The following ITGA8 variants were observed in gnomAD, a reference collection of about 807,000 sequenced individuals.
ITGA8 encodes integrin alpha-8.
Under a neutral mutation model 142.3 loss-of-function variants are expected in ITGA8, and 91 were observed. That is an observed-to-expected ratio of 0.64 (90% confidence interval 0.54 to 0.76). The LOEUF (loss-of-function observed/expected upper bound fraction) is 0.76, where lower values mean the gene tolerates loss of function less well. ITGA8 is among the 30% of genes least tolerant of loss of function. The pLI, the probability that ITGA8 is intolerant of heterozygous loss-of-function variation, is 0.00. For missense variants in ITGA8, 1,406 were observed against 1,327.7 expected (o/e 1.06, Z -0.92); for synonymous variants, 505 against 485.2 (o/e 1.04, Z -0.54).
At chr10:15,624,244 G>T (rs1405865828) in intron 13 of ITGA8, among the ~76,000 whole-genome samples, 1 of 152,174 alleles carries the variant, frequency 6.6e-6, no homozygotes, top group Non-Finnish European at 1.5e-5. Flanking sequence ...TGTATGTCAG[G>T]TGCAAAATTA....
intron 20 of ITGA8, 88 bp from the exon 21 acceptor site, chr10:15,597,387 G>T: frequency 9.8e-7 from 1 of 1,020,186 alleles, no homozygotes; most frequent in Non-Finnish European, 1.6e-6. Flanking sequence ...GAGCTCCCCT[G>T]GATCTCAAAC....
chr10:15,630,628 G>A (rs1003835627), intron 13 of ITGA8, among the ~76,000 whole-genome samples: 8 of 151,956 alleles, frequency 5.3e-5, no homozygotes, highest in Admixed American at 1.3e-4. Context: ...CTGGGAAAAT[G>A]GCCAGGGCAC....
intron 25 of ITGA8, among the ~76,000 whole-genome samples, chr10:15,562,258 A>G (rs1833998127): frequency 6.6e-6 from 1 of 152,240 alleles, no homozygotes; most frequent in South Asian, 2.1e-4. Context: ...GAAGGTTTAG[A>G]CAAGGCAACG....
At chr10:15,707,547 G>T (rs1327527194) in intron 2 of ITGA8, among the ~76,000 whole-genome samples, 1 of 152,090 alleles carries the variant, frequency 6.6e-6, no homozygotes, top group South Asian at 2.1e-4. Flanking sequence ...TCAAGGCTAG[G>T]TGCAGTGGCT....
At chr10:15,592,343 C>T (rs1212785159) in intron 21 of ITGA8, 39 bp from the exon 22 acceptor site, 6 of 1,412,684 alleles carry the variant, frequency 4.2e-6, no homozygotes, top group Non-Finnish European at 5.0e-6. Context: ...GTAGCTTGTA[C>T]ACAACATAAA....
chr10:15,564,605 C>T (rs1834045473), intron 25 of ITGA8, among the ~76,000 whole-genome samples: 1 of 152,206 alleles, frequency 6.6e-6, no homozygotes, highest in Non-Finnish European at 1.5e-5. Flanking sequence ...TTTCATCATT[C>T]TTTACCAAAC....
At chr10:15,620,308 T>TTCAC (rs374749114) in intron 13 of ITGA8, among the ~76,000 whole-genome samples, 2 of 150,818 alleles carry the variant, frequency 1.3e-5, no homozygotes, top group Non-Finnish European at 3.0e-5. Context: ...GGTGTTGAGA[T>TTCAC]ACACACACAC....
intron 27 of ITGA8, among the ~76,000 whole-genome samples, chr10:15,532,085 G>A (rs6602876): frequency 0.35 from 52,998 of 151,344 alleles, 9,959 homozygotes; most frequent in African/African-American, 0.49. Flanking sequence ...TGTTTGGCCA[G>A]CATCCCTGGC....
chr10:15,594,408 T>C (rs1457361717), intron 21 of ITGA8, among the ~76,000 whole-genome samples: 1 of 152,114 alleles, frequency 6.6e-6, no homozygotes, highest in Non-Finnish European at 1.5e-5. Context: ...GAGTTTCTTA[T>C]TGAGTGAAGG....
At chr10:15,627,194 C>G (rs560363658) in intron 13 of ITGA8, among the ~76,000 whole-genome samples, 2 of 152,208 alleles carry the variant, frequency 1.3e-5, no homozygotes, top group South Asian at 4.1e-4. Flanking sequence ...AATTGAAGTC[C>G]CTGGGTGGGA....
chr10:15,651,167 A>G (rs12220589), intron 11 of ITGA8, among the ~76,000 whole-genome samples: 14,682 of 152,178 alleles, frequency 0.096, 939 homozygotes, highest in East Asian at 0.3. Flanking sequence ...CTGAAGTAGT[A>G]TAACTACTAT....
At chr10:15,586,298 A>T (rs748255562) in intron 23 of ITGA8, among the ~76,000 whole-genome samples, 3 of 151,998 alleles carry the variant, frequency 2.0e-5, no homozygotes, top group Non-Finnish European at 4.4e-5. Context: ...ACCTCAGGTG[A>T]TCTGCTCACT....
intron 12 of ITGA8, among the ~76,000 whole-genome samples, chr10:15,645,051 A>G (rs1013771226): frequency 7.3e-5 from 10 of 137,094 alleles, no homozygotes; most frequent in Admixed American, 6.6e-4. Context: ...GTGAGTTGAG[A>G]TCGTGCCACT....
At chr10:15,657,295 C>G (rs1409923240) in intron 10 of ITGA8, among the ~76,000 whole-genome samples, 2 of 152,138 alleles carry the variant, frequency 1.3e-5, no homozygotes, top group African/African-American at 4.8e-5. Flanking sequence ...TAATTACCAC[C>G]ACTTAGGAAT....
At chr10:15,678,062 C>T (rs1439892664) in intron 5 of ITGA8, among the ~76,000 whole-genome samples, 2 of 152,164 alleles carry the variant, frequency 1.3e-5, no homozygotes, top group African/African-American at 2.4e-5. Flanking sequence ...CCCAGTGCCA[C>T]CCCCTTCTCA....
chr10:15,692,435 G>C lies in ITGA8; in HGVS notation c.344-4397C>G, dbSNP rs1834953765. Among the ~76,000 whole-genome samples, 3 of 151,346 alleles carry C rather than the reference G, an allele frequency of 2.0e-5. No homozygotes were observed. The South Asian group carries it at 6.3e-4, about 32-fold the overall frequency. On this transcript the variant is annotated intron_variant, in intron 2 of 29. Transcript: ENST00000378076. ...CAGAGGTAACTGTTTTGCAAACTTA[G>C]TGTAGACTCTGGTATCCTTGAATCT... is the stretch of plus-strand genomic sequence containing the variant.
chr10:15,546,756 G>C (rs573392436), intron 27 of ITGA8, among the ~76,000 whole-genome samples: 2 of 149,838 alleles, frequency 1.3e-5, no homozygotes, highest in South Asian at 2.1e-4. Flanking sequence ...AGGAAGAAAA[G>C]AGAGAGAAAG....
chr10:15,688,644 A>G (rs1834877260), intron 2 of ITGA8, among the ~76,000 whole-genome samples: 2 of 152,240 alleles, frequency 1.3e-5, no homozygotes, highest in Admixed American at 1.3e-4. Context: ...TAAAAGTATC[A>G]TTGATCATGT....
At chr10:15,572,445 C>A (rs988391655) in intron 24 of ITGA8, 76 bp from the exon 25 acceptor site, 2 of 1,292,376 alleles carry the variant, frequency 1.5e-6, no homozygotes, top group Non-Finnish European at 1.1e-6. Flanking sequence ...ATACTCTATA[C>A]CCATTTTAGA....
Sources: gnomAD v4.1 joint callset for allele counts (sites outside exome capture counted in the v4.1 genomes callset) on GRCh38, gnomAD v4.1.1 for gene constraint, MANE v1.5 for transcripts, NCBI Gene and HGNC (gene_info 2026-07-23, HGNC 2026-07-21) for gene names.